Variants in TMEFF1 observed in about 807,000 individuals in gnomAD.
The protein encoded by TMEFF1 is transmembrane protein with EGF like and two follistatin like domains 1.
In TMEFF1, 20 loss-of-function variants were observed where a neutral mutation model predicts 47.5. That is an observed-to-expected ratio of 0.42 (90% confidence interval 0.30 to 0.61). The LOEUF is 0.61. Ranked by LOEUF, TMEFF1 falls within the 20% of genes least tolerant of loss-of-function variation. TMEFF1 has a pLI of 0.19. For missense variants in TMEFF1, 411 were observed against 471.1 expected (o/e 0.87, Z 1.18); for synonymous variants, 162 against 166.3 (o/e 0.97, Z 0.20).
intron 2 of TMEFF1, 31 bp downstream of exon 2, chr9:100,498,905 T>C (rs1211083598): frequency 3.1e-6 from 5 of 1,596,120 alleles, no homozygotes; most frequent in Non-Finnish European, 3.4e-6. Flanking sequence ...TTGAAAAGTT[T>C]TATATTCTTC....
intron 8 of TMEFF1, among the ~76,000 whole-genome samples, chr9:100,569,894 C>A (rs1587860525): frequency 6.6e-6 from 1 of 152,102 alleles, no homozygotes; most frequent in Non-Finnish European, 1.5e-5. Flanking sequence ...CTATTCCTCC[C>A]ATCTAACTGA....
intron 8 of TMEFF1, among the ~76,000 whole-genome samples, chr9:100,568,065 C>G (rs570918869): frequency 3.3e-5 from 5 of 152,254 alleles, no homozygotes; most frequent in Non-Finnish European, 7.4e-5. Context: ...TGGGTTCCTC[C>G]CACGACACAT....
chr9:100,563,930 A>G (rs1021963453), intron 8 of TMEFF1, among the ~76,000 whole-genome samples: 4 of 152,196 alleles, frequency 2.6e-5, no homozygotes, highest in Admixed American at 6.5e-5. Context: ...TGCAGTGTCT[A>G]TAGGAATCAG....
chr9:100,493,291 G>T (rs1046132302), intron 1 of TMEFF1, among the ~76,000 whole-genome samples: 4 of 152,156 alleles, frequency 2.6e-5, no homozygotes, highest in African/African-American at 9.7e-5. Flanking sequence ...AACATCTAAT[G>T]AAGTTTATTT....
intron 5 of TMEFF1, among the ~76,000 whole-genome samples, chr9:100,535,776 A>T (rs13289939): frequency 0.033 from 4,957 of 152,294 alleles, 99 homozygotes; most frequent in African/African-American, 0.045. Flanking sequence ...AAAACAAAAC[A>T]AAACTAAACT....
In TMEFF1 at chr9:100,473,524, C is replaced by G; in HGVS notation, c.-21C>G. Reference sequence around the variant, plus strand: ...CCGGCCTGCGGCTCCCTGCGCTTCCCGCCGTCCAGGGGCACCAGTCATGGG... The same window carrying G: ...CCGGCCTGCGGCTCCCTGCGCTTCCGGCCGTCCAGGGGCACCAGTCATGGG... On this transcript the variant is annotated 5_prime_UTR_variant, in exon 1 of 10. Coordinates refer to ENST00000374879, the MANE Select transcript of TMEFF1 (RefSeq NM_003692.5). This position sits in a 1 kb window ranked among gnomAD's most constrained non-coding sequence, Gnocchi z 5.4. The G allele has an allele frequency of 7.1e-7, 1 of 1,408,672 alleles. No homozygotes were observed. The highest frequency in any genetic ancestry group is 9.2e-7 in the Non-Finnish European group (1 of 1,083,264). The allele number at this position is 1,408,672 out of a possible 1,614,324, so 87.3% of individuals were successfully genotyped here. A position where few individuals can be genotyped will look rare whatever the true frequency, so the allele number is the denominator to read the frequency against.
chr9:100,527,086 T>G (rs1262809611), intron 5 of TMEFF1, among the ~76,000 whole-genome samples: 1 of 148,990 alleles, frequency 6.7e-6, no homozygotes, highest in African/African-American at 2.5e-5. Context: ...GAGGTTGCAG[T>G]GAGCCAAAAT....
intron 3 of TMEFF1, among the ~76,000 whole-genome samples, chr9:100,509,789 A>G (rs945576267): frequency 3.9e-5 from 6 of 151,922 alleles, no homozygotes; most frequent in African/African-American, 1.5e-4. Flanking sequence ...AAAAAAAAAA[A>G]AAGGTGAGGA....
At chr9:100,519,676 T>TTA (rs1316308065) in intron 5 of TMEFF1, among the ~76,000 whole-genome samples, 59 of 140,034 alleles carry the variant, frequency 4.2e-4, no homozygotes, top group South Asian at 2.3e-3. Flanking sequence ...TTTTTTTTTT[T>TTA]AACAAAAACA....
chr9:100,513,426 T>G, intron 4 of TMEFF1, 93 bp downstream of exon 4: 231 of 1,305,814 alleles, frequency 1.8e-4, no homozygotes, highest in Non-Finnish European at 2.1e-4. Flanking sequence ...AGCTTTGAGA[T>G]ATAATTCACA....
At chr9:100,523,830 T>C (rs767140035) in intron 5 of TMEFF1, among the ~76,000 whole-genome samples, 1 of 152,236 alleles carries the variant, frequency 6.6e-6, no homozygotes, top group Admixed American at 6.5e-5. Flanking sequence ...TCTTATTTGA[T>C]CCTGTCAGCA....
chr9:100,560,090 T>G (rs543176680), intron 7 of TMEFF1, among the ~76,000 whole-genome samples: 1 of 152,248 alleles, frequency 6.6e-6, no homozygotes, highest in African/African-American at 2.4e-5. Flanking sequence ...TACATATAAC[T>G]CACTATTTCA....
intron 1 of TMEFF1, among the ~76,000 whole-genome samples, chr9:100,491,727 A>G (rs1247736706): frequency 6.6e-6 from 1 of 152,176 alleles, no homozygotes; most frequent in African/African-American, 2.4e-5. Context: ...TCCCATAAGA[A>G]TCTGGTAGTT....
At chr9:100,568,978 T>C (rs923511631) in intron 8 of TMEFF1, among the ~76,000 whole-genome samples, 22 of 152,236 alleles carry the variant, frequency 1.4e-4, no homozygotes, top group African/African-American at 4.6e-4. Context: ...TCATCATCAG[T>C]TGATGAAAAT....
At chr9:100,546,097 T>A (rs1243189081) in intron 5 of TMEFF1, among the ~76,000 whole-genome samples, 1 of 152,192 alleles carries the variant, frequency 6.6e-6, no homozygotes, top group Non-Finnish European at 1.5e-5. Context: ...CAAAGTCACT[T>A]CCACATTTTC....
In TMEFF1 at chr9:100,571,939, A is replaced by G. The variant is rs531106781; in HGVS notation, c.900-579A>G. Among the ~76,000 whole-genome samples the G allele has an allele frequency of 3.3e-5, 5 of 152,222 alleles. No individual in the cohort carries two copies. In the South Asian group the frequency reaches 1.0e-3, roughly 32 times the overall value. On this transcript the variant is annotated intron_variant, in intron 8 of 9. Coordinates refer to ENST00000374879, the MANE Select transcript of TMEFF1 (RefSeq NM_003692.5). ...TGCGCTCCTATGAGAATCTAATGCC[A>G]GTGCTGATCTGACAGGAGGCGGAGC... is the stretch of plus-strand genomic sequence containing the variant.
At chr9:100,502,620 C>T (rs1022487101) in intron 2 of TMEFF1, among the ~76,000 whole-genome samples, 3 of 152,198 alleles carry the variant, frequency 2.0e-5, no homozygotes, top group African/African-American at 7.2e-5. Flanking sequence ...CCTTGGCGTC[C>T]CAAAGTGCTG....
At chr9:100,565,281 C>T (rs1839103979) in intron 8 of TMEFF1, among the ~76,000 whole-genome samples, 2 of 152,158 alleles carry the variant, frequency 1.3e-5, no homozygotes, top group African/African-American at 4.8e-5. Context: ...CCGTGTCCCT[C>T]CCTGGATATT....
chr9:100,543,942 G>A (rs1168530330), intron 5 of TMEFF1, among the ~76,000 whole-genome samples: 1 of 152,010 alleles, frequency 6.6e-6, no homozygotes, highest in African/African-American at 2.4e-5. Context: ...TTACAGCCCT[G>A]TGTGAGGGCT....
Sources: gnomAD v4.1 joint callset for allele counts (sites outside exome capture counted in the v4.1 genomes callset) on GRCh38, gnomAD v4.1.1 for gene constraint, Gnocchi (gnomAD v3.1) non-coding constraint, MANE v1.5 for transcripts, NCBI Gene and HGNC (gene_info 2026-07-23, HGNC 2026-07-21) for gene names.